The following B4GALT3 variants were observed in gnomAD, a reference collection of about 807,000 sequenced individuals.
The protein encoded by B4GALT3 is N-acetyllactosamine synthase.
B4GALT3 carries 29 observed loss-of-function variants against 40.7 expected under a neutral mutation model. That is an observed-to-expected ratio of 0.71 (90% CI 0.53 to 0.97). B4GALT3 has a LOEUF of 0.97. Among genes scored for constraint, B4GALT3 ranks in the 50% least tolerant of loss-of-function variants. The pLI is 0.00. For missense variants in B4GALT3, 390 were observed against 522.3 expected (o/e 0.75, Z 2.47); for synonymous variants, 182 against 203.9 (o/e 0.89, Z 0.92).
Position 161,171,347 on chromosome 1 carries a change from TC to T in B4GALT3, c.*468del. 8.6e-7 allele frequency: 1 copy of T among 1,165,566 alleles called. No individual in the cohort carries two copies. The highest frequency in any genetic ancestry group is 1.2e-6 in the Non-Finnish European group (1 of 819,148). 72.2% of individuals were successfully genotyped at this position (1,165,566 alleles called of 1,614,324 possible). ...TCCTTTATTAGAAAATATATCAAAA[TC>T]CCAGCCCCCTGAGCCAGGACCAGAA... On this transcript the variant is annotated 3_prime_UTR_variant, in exon 8 of 8. Transcript: ENST00000319769.
chr1:161,175,124 CACA>C lies in B4GALT3; in HGVS notation c.355_357del (p.Cys119del). 1 of 1,613,940 alleles carries C rather than the reference CACA, an allele frequency of 6.2e-7. No homozygotes were observed. Among genetic ancestry groups the C allele is most frequent in the Non-Finnish European group, 8.5e-7 (1 of 1,179,850 alleles). Reference sequence around the variant, plus strand: ...ATGATGGCTGTTCGGGAGCGGGGCTCACAACCTGCAGGGCGGTACCGGCCCCCT... The same window carrying C: ...ATGATGGCTGTTCGGGAGCGGGGCTCACCTGCAGGGCGGTACCGGCCCCCT... On this transcript the variant is annotated inframe_deletion, in exon 4 of 8. Transcript: ENST00000319769.
chr1:161,175,872 C>T lies in B4GALT3; in HGVS notation c.189G>A (p.Gly63=). ...DVYSNLSHLP[G]APGGPPAPQG... is the part of the protein sequence containing the mutation. ...GAGGAGCTGGAGGACCCCCTGGGGCCCCAGGCAGGTGACTGAGGTTACTGT... is the reference window on the plus strand; with the variant it reads ...GAGGAGCTGGAGGACCCCCTGGGGCTCCAGGCAGGTGACTGAGGTTACTGT... The change falls in exon 3 of 8, where the codon GGG becomes GGA. Residue 63 remains glycine (G), a synonymous_variant. Transcript: ENST00000319769. The T allele has an allele frequency of 1.9e-6, 3 of 1,614,102 alleles. No homozygotes were observed. The highest frequency in any genetic ancestry group is 2.5e-6 in the Non-Finnish European group (3 of 1,180,026).
chr1:161,171,669 CA>C lies in B4GALT3; in HGVS notation c.*146del. 1.7e-6 allele frequency: 2 copies of C among 1,161,494 alleles called. No homozygotes were observed. The highest frequency in any genetic ancestry group is 2.4e-6 in the Non-Finnish European group (2 of 832,166). The allele number at this position is 1,161,494 out of a possible 1,614,324, so 71.9% of individuals were successfully genotyped here. On this transcript the variant is annotated 3_prime_UTR_variant, in exon 8 of 8. Transcript: ENST00000319769. ...GGTCTACAGGAGCCCAGCTCCAGTC[CA>C]GCAGTGAGGGAGAGGCCCCTACCCC...
intron 1 of B4GALT3, chr1:161,177,152 G>A: frequency 1.0e-5 from 14 of 1,394,072 alleles, no homozygotes; most frequent in African/African-American, 1.4e-5. Flanking sequence ...ACAGTCAGGG[G>A]TGGCTGGAAG....
intron 6 of B4GALT3, among the ~76,000 whole-genome samples, chr1:161,173,144 T>C (rs551458280): frequency 6.6e-6 from 1 of 152,014 alleles, no homozygotes; most frequent in Non-Finnish European, 1.5e-5. Context: ...ACCACAGACA[T>C]GAAATTGGGT....
rs1662938602 is a variant in B4GALT3 at position 161,174,976 on chromosome 1, G to T, written c.489+17C>A. 1.2e-6 allele frequency: 2 copies of T among 1,610,002 alleles called. No homozygotes were observed. The highest frequency in any genetic ancestry group is 2.7e-5 in the African/African-American group (2 of 74,812). On this transcript the variant is annotated intron_variant, in intron 4 of 7. Coordinates refer to ENST00000319769, the MANE Select transcript of B4GALT3 (RefSeq NM_003779.4). The stretch of plus-strand genomic sequence containing the variant: ...TTAGAAGAAAGTCAGTCAAAATGAG[G>T]TGGAGATTGGGGGTACCTGGTGGAT...
chr1:161,173,545 G>A (rs1201310954), intron 6 of B4GALT3, 60 bp downstream of exon 6: 13 of 1,610,372 alleles, frequency 8.1e-6, no homozygotes, highest in Non-Finnish European at 1.1e-5. Context: ...GTCAAAGGTG[G>A]TCTTAGAGGA....
chr1:161,174,464 A>G (rs1226283197), intron 4 of B4GALT3, among the ~76,000 whole-genome samples: 1 of 152,052 alleles, frequency 6.6e-6, no homozygotes, highest in East Asian at 1.9e-4. Flanking sequence ...AGTGGGGTGG[A>G]GGGCAAGGAG....
At chr1:161,172,564 G>A (rs998519832) in intron 6 of B4GALT3, among the ~76,000 whole-genome samples, 1 of 152,162 alleles carries the variant, frequency 6.6e-6, no homozygotes, top group Non-Finnish European at 1.5e-5. Context: ...TAAACAGTTG[G>A]CAACCTATTC....
chr1:161,176,770 C>CA (rs1663691857), intron 1 of B4GALT3, 191 bp from the exon 2 acceptor site: 2 of 1,265,214 alleles, frequency 1.6e-6, no homozygotes, highest in Admixed American at 4.1e-5. Flanking sequence ...CATACTTAAC[C>CA]ACCCCCGTAC....
rs910514435 is a variant in B4GALT3, at chr1:161,171,694, C to T, written c.*122G>A. The T allele has an allele frequency of 9.7e-5, 136 of 1,399,214 alleles. No individual in the cohort carries two copies. Among genetic ancestry groups the T allele is most frequent in the Non-Finnish European group, 1.2e-4 (127 of 1,027,270 alleles). 86.7% of individuals were successfully genotyped at this position (1,399,214 alleles called of 1,614,324 possible). ...CAGCAGTGAGGGAGAGGCCCCTACC[C>T]CCTAGCACGGCACCAGAGTTCAGTT... On this transcript the variant is annotated 3_prime_UTR_variant, in exon 8 of 8. Coordinates refer to ENST00000319769, the MANE Select transcript of B4GALT3 (RefSeq NM_003779.4).
At chr1:161,173,261 CCT>C (rs944355399) in intron 6 of B4GALT3, among the ~76,000 whole-genome samples, 22 of 152,178 alleles carry the variant, frequency 1.4e-4, no homozygotes, top group African/African-American at 1.9e-4. Context: ...GAGCAGAGCC[CCT>C]CTCTCCTAAC....
At chr1:161,174,919 T>A in intron 4 of B4GALT3, 74 bp downstream of exon 4, 1 of 1,481,006 alleles carries the variant, frequency 6.8e-7, no homozygotes, top group Non-Finnish European at 9.4e-7. Context: ...CCCATTTAGA[T>A]GAAAGTGAAG....
Position 161,172,331 on chromosome 1 carries a change from C to G in B4GALT3, c.804G>C (p.Arg268Ser). The G allele has an allele frequency of 6.2e-7, 1 of 1,613,294 alleles. No homozygotes were observed. Among genetic ancestry groups the G allele is most frequent in the Non-Finnish European group, 8.5e-7 (1 of 1,179,716 alleles). Reference sequence around the variant, plus strand: ...AGATCTTCATCCCAGCCAGGCGCACCCTATGGGAAAAGTGAGGGTATCATG... The same window carrying G: ...AGATCTTCATCCCAGCCAGGCGCACGCTATGGGAAAAGTGAGGGTATCATG... ...WGGEDDDIAT[R>S]VRLAGMKISR... Residue 268 changes from arginine (R) to serine (S), a missense_variant and splice_region_variant, in exon 7 of 8, where the codon AGG becomes AGC. By Grantham distance (110) the Arg-to-Ser change is moderately radical (BLOSUM62 -1). This residue lies in a region of B4GALT3 where 135 missense variants were observed against 227.8 expected (regional missense o/e 0.59). Coordinates refer to ENST00000319769, the MANE Select transcript of B4GALT3 (RefSeq NM_003779.4).
intron 4 of B4GALT3, 84 bp from the exon 5 acceptor site, chr1:161,174,133 C>T (rs768959699): frequency 5.6e-5 from 82 of 1,455,008 alleles, no homozygotes; most frequent in African/African-American, 7.0e-5. Flanking sequence ...GAAGGCCGGG[C>T]GCGGTGGCTT....
In B4GALT3 at chr1:161,173,628, A is replaced by C. The variant is rs1571476129; in HGVS notation, c.780T>G (p.Gly260=). ...GFPNEYWGWG[G]EDDDIATRVR... is the part of the protein sequence containing the mutation. ...ACCTGGTAGCAATGTCGTCATCCTC[A>C]CCACCCCAGCCCCAGTATTCATTGG... The change falls in exon 6 of 8, where the codon GGT becomes GGG. Residue 260 remains glycine, a synonymous_variant. Coordinates refer to ENST00000319769, the MANE Select transcript of B4GALT3 (RefSeq NM_003779.4). The C allele has an allele frequency of 6.2e-7, 1 of 1,614,068 alleles. No individual in the cohort carries two copies. Among genetic ancestry groups the C allele is most frequent in the South Asian group, 1.1e-5 (1 of 91,074 alleles).
chr1:161,171,643 A>G lies in B4GALT3; in HGVS notation c.*173T>C. 1 of 852,582 alleles carries G rather than the reference A, an allele frequency of 1.2e-6. No homozygotes were observed. The highest frequency in any genetic ancestry group is 1.8e-5 in the South Asian group (1 of 56,466). 52.8% of individuals were successfully genotyped at this position (852,582 alleles called of 1,614,324 possible). On this transcript the variant is annotated 3_prime_UTR_variant, in exon 8 of 8. Transcript: ENST00000319769. Reference sequence around the variant, plus strand: ...GAGACCCTAGAGAGAGGGACCCCTCAGGTCTACAGGAGCCCAGCTCCAGTC... The same window carrying G: ...GAGACCCTAGAGAGAGGGACCCCTCGGGTCTACAGGAGCCCAGCTCCAGTC...
At chr1:161,175,744 C>T (rs1663258794) in intron 3 of B4GALT3, 64 bp downstream of exon 3, 2 of 1,585,862 alleles carry the variant, frequency 1.3e-6, no homozygotes, top group Admixed American at 3.4e-5. Context: ...GCCTCCCTAT[C>T]CCCAAGCCTC....
chr1:161,173,595 G>T lies in B4GALT3; in HGVS notation c.803+10C>A, dbSNP rs771954474. The T allele has an allele frequency of 1.9e-6, 3 of 1,613,648 alleles. No individual in the cohort carries two copies. Among genetic ancestry groups the T allele is most frequent in the Non-Finnish European group, 2.5e-6 (3 of 1,180,016 alleles). On this transcript the variant is annotated intron_variant, in intron 6 of 7. Transcript: ENST00000319769. ...GGGGTCAGGAGGGAGGAAGTGGCAG[G>T]AAGTCTGACCTGGTAGCAATGTCGT... is the stretch of plus-strand genomic sequence containing the variant.
Sources: gnomAD v4.1 joint callset for allele counts (sites outside exome capture counted in the v4.1 genomes callset) on GRCh38, gnomAD v4.1.1 for gene constraint, gnomAD v4.1.1 regional missense constraint, MANE v1.5 for transcripts, NCBI Gene and HGNC (gene_info 2026-07-23, HGNC 2026-07-21) for gene names.